The following ADAM18 variants were observed in gnomAD, a reference collection of about 807,000 sequenced individuals.
ADAM18 encodes ADAM metallopeptidase domain 18.
A neutral mutation model predicts 94.4 loss-of-function variants in ADAM18; 117 were observed. The ratio of observed to expected loss-of-function variants is 1.24; its 90% CI spans 1.07 to 1.45. The LOEUF (loss-of-function observed/expected upper bound fraction) is 1.45, where lower values mean the gene tolerates loss of function less well. Among genes scored for constraint, ADAM18 ranks in the 40% most tolerant of loss-of-function variants. The pLI, the probability that ADAM18 is intolerant of heterozygous loss-of-function variation, is 0.00. For synonymous variants in ADAM18, 327 were observed against 291.6 expected, an observed-to-expected ratio of 1.12 and a Z score of -1.24; for missense variants, 936 against 880.0, an observed-to-expected ratio of 1.06 and a Z score of -0.81.
chr8:39,637,211 A>G, intron 7 of ADAM18, 53 bp from the exon 8 acceptor site: 1 of 1,335,408 alleles, frequency 7.5e-7, no homozygotes, highest in Admixed American at 2.0e-5. Flanking sequence ...ATATCATTTC[A>G]TTCACATGGA....
chr8:39,656,163 A>G (rs567643017), intron 12 of ADAM18, among the ~76,000 whole-genome samples: 1 of 152,190 alleles, frequency 6.6e-6, no homozygotes, highest in East Asian at 1.9e-4. Flanking sequence ...AAATGGAAAC[A>G]TGAAAGGCAC....
chr8:39,586,232 T>A (rs953111105), intron 2 of ADAM18, among the ~76,000 whole-genome samples: 2 of 152,236 alleles, frequency 1.3e-5, no homozygotes, highest in Admixed American at 6.5e-5. Context: ...AATGAATACT[T>A]TCTTTTAGAG....
chr8:39,675,928 C>A (rs1821288424), intron 14 of ADAM18, among the ~76,000 whole-genome samples: 1 of 152,218 alleles, frequency 6.6e-6, no homozygotes, highest in Admixed American at 6.5e-5. Context: ...CCACTCCAGA[C>A]CCTGTTTCCC....
chr8:39,682,281 A>T (rs764926300), intron 16 of ADAM18, among the ~76,000 whole-genome samples: 2 of 152,194 alleles, frequency 1.3e-5, no homozygotes, highest in African/African-American at 2.4e-5. Context: ...TTCATTTCAA[A>T]GATATTTGTG....
chr8:39,639,457 T>C (rs1279738925), intron 10 of ADAM18, among the ~76,000 whole-genome samples: 1 of 151,998 alleles, frequency 6.6e-6, no homozygotes, highest in Non-Finnish European at 1.5e-5. Flanking sequence ...ACCACGTATT[T>C]CTTAAAAATA....
chr8:39,602,219 T>C (rs894867022), intron 2 of ADAM18, among the ~76,000 whole-genome samples: 2 of 152,168 alleles, frequency 1.3e-5, no homozygotes, highest in Non-Finnish European at 2.9e-5. Context: ...AATTCTATAT[T>C]TTATATGATT....
At chr8:39,675,584 G>C (rs1007028349) in intron 14 of ADAM18, among the ~76,000 whole-genome samples, 2 of 152,062 alleles carry the variant, frequency 1.3e-5, no homozygotes, top group Non-Finnish European at 2.9e-5. Flanking sequence ...CCTTTAGCTC[G>C]GAGAAGTTTG....
intron 2 of ADAM18, among the ~76,000 whole-genome samples, chr8:39,586,271 CTTAT>C (rs1472313255): frequency 6.6e-6 from 1 of 152,048 alleles, no homozygotes; most frequent in African/African-American, 2.4e-5. Flanking sequence ...ATATATAAAT[CTTAT>C]TTATCACATT....
intron 14 of ADAM18, among the ~76,000 whole-genome samples, chr8:39,674,215 C>T (rs1821233887): frequency 6.6e-6 from 1 of 152,080 alleles, no homozygotes; most frequent in South Asian, 2.1e-4. Flanking sequence ...CTAATATTGA[C>T]AGGGGGGTGT....
At chr8:39,627,950 C>G (rs1252203687) in intron 6 of ADAM18, among the ~76,000 whole-genome samples, 1 of 151,930 alleles carries the variant, frequency 6.6e-6, no homozygotes, top group Non-Finnish European at 1.5e-5. Context: ...CTGAAAAAGA[C>G]TTTACTTATC....
chr8:39,585,833 T>A (rs965653904), intron 2 of ADAM18, among the ~76,000 whole-genome samples: 5 of 152,032 alleles, frequency 3.3e-5, no homozygotes, highest in African/African-American at 1.2e-4. Flanking sequence ...TGATGAAAAA[T>A]ATTACAATAA....
intron 12 of ADAM18, among the ~76,000 whole-genome samples, chr8:39,663,127 G>A (rs1364704407): frequency 1.3e-5 from 2 of 152,018 alleles, no homozygotes; most frequent in Non-Finnish European, 2.9e-5. Flanking sequence ...AGAAAAGTTT[G>A]TTTCTCCTAA....
intron 14 of ADAM18, among the ~76,000 whole-genome samples, chr8:39,675,012 C>T (rs1276916912): frequency 6.6e-6 from 1 of 152,168 alleles, no homozygotes; most frequent in Non-Finnish European, 1.5e-5. Flanking sequence ...TGATGGGCTT[C>T]CCTTTGTAGG....
intron 3 of ADAM18, 27 bp from the exon 4 acceptor site, chr8:39,609,015 C>CT (rs748678774): frequency 7.0e-4 from 906 of 1,296,786 alleles, no homozygotes; most frequent in Non-Finnish European, 8.9e-4. Flanking sequence ...ATGATTCATA[C>CT]TTTTTTATTA....
At chr8:39,596,834 T>C (rs532301500) in intron 2 of ADAM18, among the ~76,000 whole-genome samples, 1 of 152,334 alleles carries the variant, frequency 6.6e-6, no homozygotes, top group South Asian at 2.1e-4. Context: ...TTTACTTCAA[T>C]TGGGGTTGTC....
rs546885818 is a variant in ADAM18, at chr8:39,697,428, T to A, written c.1902+4748T>A. Reference sequence around the variant, plus strand: ...TAAATTTTTGTATGTTGTGTTTTTATTTACATTTCTCAAAATATTTTCCAA... The same window carrying A: ...TAAATTTTTGTATGTTGTGTTTTTAATTACATTTCTCAAAATATTTTCCAA... On this transcript the variant is annotated intron_variant, in intron 17 of 19. Coordinates refer to ENST00000265707, the MANE Select transcript of ADAM18 (RefSeq NM_014237.3). Among the ~76,000 whole-genome samples, 414 of 151,864 alleles carry A rather than the reference T, an allele frequency of 2.7e-3. 2 individuals are homozygous for A. The highest frequency in any genetic ancestry group is 9.6e-3 in the African/African-American group (401 of 41,556).
At chr8:39,644,795 A>G (rs1203522229) in intron 10 of ADAM18, among the ~76,000 whole-genome samples, 1 of 152,140 alleles carries the variant, frequency 6.6e-6, no homozygotes, top group African/African-American at 2.4e-5. Context: ...TAACTACCTT[A>G]TTTTATACCC....
At chr8:39,645,624 A>T in intron 11 of ADAM18, 150 bp downstream of exon 11, 1 of 730,330 alleles carries the variant, frequency 1.4e-6, no homozygotes, top group Non-Finnish European at 2.2e-6. Flanking sequence ...AATTATGTAT[A>T]CTTAGGGATA....
At chr8:39,728,541 A>T (rs1184437692) in intron 19 of ADAM18, among the ~76,000 whole-genome samples, 2 of 152,194 alleles carry the variant, frequency 1.3e-5, no homozygotes, top group Non-Finnish European at 2.9e-5. Flanking sequence ...GAATTAACAA[A>T]ATATATAAAA....
Sources: gnomAD v4.1 joint callset for allele counts (sites outside exome capture counted in the v4.1 genomes callset) on GRCh38, gnomAD v4.1.1 for gene constraint, MANE v1.5 for transcripts, NCBI Gene and HGNC (gene_info 2026-07-23, HGNC 2026-07-21) for gene names.